SV2C: variants seen among roughly 807,000 people sequenced by gnomAD.
SV2C encodes the protein solute carrier family 22 member B3.
Under a neutral mutation model 79.7 loss-of-function variants are expected in SV2C, and 49 were observed. The observed-to-expected ratio is 0.61, with a 90% CI of 0.49 to 0.78. SV2C has a LOEUF of 0.78. Among genes scored for constraint, SV2C ranks in the 30% least tolerant of loss-of-function variants. The pLI is 0.00. For missense variants in SV2C, 833 were observed against 912.9 expected (o/e 0.91, Z 1.13); for synonymous variants, 334 against 333.2 (o/e 1.00, Z -0.03).
chr5:76,351,706 G>A (rs988774122), intron 12 of SV2C, among the ~76,000 whole-genome samples: 7 of 152,154 alleles, frequency 4.6e-5, no homozygotes, highest in African/African-American at 1.4e-4. Context: ...CCCAGTCAGT[G>A]TATCTGTTCT....
chr5:76,278,402 G>A (rs1033458921), intron 4 of SV2C, among the ~76,000 whole-genome samples: 8 of 152,170 alleles, frequency 5.3e-5, no homozygotes. Context: ...GCCTCTCTGA[G>A]GAGACACCCT....
At chr5:76,202,883 A>G (rs1744494957) in intron 3 of SV2C, among the ~76,000 whole-genome samples, 1 of 152,236 alleles carries the variant, frequency 6.6e-6, no homozygotes, top group African/African-American at 2.4e-5. Flanking sequence ...TACATTGATT[A>G]CACGTTAAAA....
At chr5:76,215,578 T>G (rs1253450631) in intron 4 of SV2C, among the ~76,000 whole-genome samples, 1 of 152,210 alleles carries the variant, frequency 6.6e-6, no homozygotes, top group Non-Finnish European at 1.5e-5. Flanking sequence ...ATATCTCTCC[T>G]CTGAAATCTG....
chr5:75,998,156 A>G, the SV2C span, among the ~76,000 whole-genome samples: 90 of 152,222 alleles, frequency 5.9e-4, no homozygotes, highest in African/African-American at 2.1e-3. Context: ...ACACATGGAC[A>G]CAGGAAGGGG....
intron 4 of SV2C, among the ~76,000 whole-genome samples, chr5:76,254,083 C>G (rs961621174): frequency 1.3e-3 from 198 of 151,662 alleles, no homozygotes; most frequent in African/African-American, 4.7e-3. Flanking sequence ...GAGTTTGAGA[C>G]CAGCCTGGGC....
At chr5:76,033,484 G>T in the SV2C span, among the ~76,000 whole-genome samples, 1 of 152,154 alleles carries the variant, frequency 6.6e-6, no homozygotes, top group African/African-American at 2.4e-5. Flanking sequence ...AGTTTTCCCA[G>T]CACCATTTAT....
intron 3 of SV2C, among the ~76,000 whole-genome samples, chr5:76,201,435 A>G (rs537291523): frequency 6.6e-6 from 1 of 152,368 alleles, no homozygotes; most frequent in South Asian, 2.1e-4. Context: ...GGAGAAAAAT[A>G]TAATAGCAAC....
chr5:76,217,389 G>A (rs1473474603), intron 4 of SV2C, among the ~76,000 whole-genome samples: 1 of 152,208 alleles, frequency 6.6e-6, no homozygotes, highest in Non-Finnish European at 1.5e-5. Context: ...CAAGAAGGAA[G>A]AAGAAAGTCA....
the SV2C span, among the ~76,000 whole-genome samples, chr5:75,881,248 C>T: frequency 2.6e-5 from 4 of 152,122 alleles, no homozygotes; most frequent in Non-Finnish European, 5.9e-5. Flanking sequence ...TCACCTAATT[C>T]CTCAATTAAT....
the SV2C span, among the ~76,000 whole-genome samples, chr5:75,867,035 G>A: frequency 6.6e-6 from 1 of 152,116 alleles, no homozygotes; most frequent in Non-Finnish European, 1.5e-5. Flanking sequence ...GTCAATGCAG[G>A]GCAGCCACAG....
the SV2C span, among the ~76,000 whole-genome samples, chr5:76,018,872 T>A: frequency 6.6e-6 from 1 of 152,268 alleles, no homozygotes; most frequent in South Asian, 2.1e-4. Context: ...CACAAGTAAA[T>A]TGGAGAAGTA....
At chr5:76,241,021 A>G (rs2112420114) in intron 4 of SV2C, among the ~76,000 whole-genome samples, 1 of 152,020 alleles carries the variant, frequency 6.6e-6, no homozygotes, top group Middle Eastern at 3.4e-3. Context: ...CAGTGGCGTG[A>G]TCTCAGCTCA....
At chr5:76,054,276 G>C in the SV2C span, among the ~76,000 whole-genome samples, 5 of 152,100 alleles carry the variant, frequency 3.3e-5, no homozygotes, top group Non-Finnish European at 5.9e-5. Flanking sequence ...AGTTTGCTGA[G>C]GGTGATAGTT....
rs1283163781 is a variant in SV2C at position 76,301,629 on chromosome 5, C to T, written c.2000+84C>T. 6 of 1,492,092 alleles carry T rather than the reference C, an allele frequency of 4.0e-6. No individual in the cohort carries two copies. The African/African-American group carries it at 8.3e-5, about 21-fold the overall frequency. 92.4% of individuals were successfully genotyped at this position (1,492,092 alleles called of 1,614,324 possible). On this transcript the variant is annotated intron_variant, in intron 12 of 12. Coordinates refer to ENST00000502798, the MANE Select transcript of SV2C (RefSeq NM_014979.4). ...ATTATTTTAAAACAACCCAAACTGG[C>T]TGGGCACGGTAGCTTATGCCTGTAA...
intron 2 of SV2C, among the ~76,000 whole-genome samples, chr5:76,154,035 C>T (rs1284156206): frequency 6.6e-6 from 1 of 152,138 alleles, no homozygotes; most frequent in Non-Finnish European, 1.5e-5. Flanking sequence ...TCATGGACTA[C>T]AAGGTAAAGA....
chr5:76,081,664 G>C (rs528281529), upstream of SV2C, among the ~76,000 whole-genome samples: 1 of 152,262 alleles, frequency 6.6e-6, no homozygotes, highest in East Asian at 1.9e-4. Context: ...CCTCTCACCG[G>C]AACAAGACAG....
At chr5:76,301,043 C>A in intron 11 of SV2C, 111 bp downstream of exon 11, 2 of 1,190,146 alleles carry the variant, frequency 1.7e-6, no homozygotes, top group Non-Finnish European at 2.4e-6. Flanking sequence ...AAGGAGAAAT[C>A]CTTTAGACCT....
the SV2C span, among the ~76,000 whole-genome samples, chr5:75,926,947 T>C: frequency 6.6e-6 from 1 of 152,224 alleles, no homozygotes; most frequent in South Asian, 2.1e-4. Context: ...CTTCTCAAGT[T>C]TGAGGTTCAG....
chr5:76,090,708 A>G (rs1419665619), intron 1 of SV2C, among the ~76,000 whole-genome samples: 1 of 152,234 alleles, frequency 6.6e-6, no homozygotes, highest in Non-Finnish European at 1.5e-5. Context: ...CACCAGGAAC[A>G]CCAGCAGCTT....
Sources: gnomAD v4.1 joint callset for allele counts (sites outside exome capture counted in the v4.1 genomes callset) on GRCh38, gnomAD v4.1.1 for gene constraint, MANE v1.5 for transcripts, NCBI Gene and HGNC (gene_info 2026-07-23, HGNC 2026-07-21) for gene names.